SLC5A11: variants seen among roughly 807,000 people sequenced by gnomAD.
SLC5A11 encodes sodium/myo-inositol cotransporter 2.
In SLC5A11, 48 loss-of-function variants were observed where a neutral mutation model predicts 69.8. The observed-to-expected ratio is 0.69, with a 90% CI of 0.55 to 0.87. The LOEUF is 0.87. Among genes scored for constraint, SLC5A11 ranks in the 40% least tolerant of loss-of-function variants. SLC5A11 has a pLI of 0.00. For missense variants in SLC5A11, 784 were observed against 866.1 expected (o/e 0.91, Z 1.19); for synonymous variants, 319 against 342.4 (o/e 0.93, Z 0.75).
intron 8 of SLC5A11, among the ~76,000 whole-genome samples, chr16:24,889,300 T>C (rs2048610692): frequency 1.3e-5 from 2 of 151,914 alleles, no homozygotes; most frequent in Non-Finnish European, 2.9e-5. Context: ...CTGGGCAACA[T>C]AGTGAGATCC....
intron 9 of SLC5A11, among the ~76,000 whole-genome samples, chr16:24,896,369 C>T (rs1431108410): frequency 6.6e-6 from 1 of 151,836 alleles, no homozygotes; most frequent in African/African-American, 2.4e-5. Flanking sequence ...GTTGTTCATG[C>T]CTGTTGTCTC....
chr16:24,896,712 G>A (rs1006112428), intron 9 of SLC5A11, among the ~76,000 whole-genome samples: 5 of 152,142 alleles, frequency 3.3e-5, no homozygotes, highest in African/African-American at 4.8e-5. Context: ...GCTTGCCCAA[G>A]GTCAGATAGG....
At chr16:24,906,551 G>T in intron 10 of SLC5A11, 106 bp from the exon 12 acceptor site, 2 of 575,622 alleles carry the variant, frequency 3.5e-6, no homozygotes, top group African/African-American at 1.9e-5. Context: ...TTATTTCATT[G>T]AGCTATAAAC....
intron 1 of SLC5A11, among the ~76,000 whole-genome samples, chr16:24,854,002 T>C (rs568445062): frequency 5.3e-5 from 8 of 152,010 alleles, no homozygotes; most frequent in Non-Finnish European, 1.0e-4. Context: ...GGGCCCCACC[T>C]CCCGGAGACT....
chr16:24,847,785 G>A (rs545815580), intron 1 of SLC5A11, among the ~76,000 whole-genome samples: 3 of 152,332 alleles, frequency 2.0e-5, no homozygotes, highest in Non-Finnish European at 2.9e-5. Context: ...CGGTCACAGC[G>A]TGCAAAGGAT....
intron 2 of SLC5A11, 23 bp downstream of exon 3, chr16:24,858,801 G>A: frequency 6.2e-7 from 1 of 1,601,826 alleles, no homozygotes; most frequent in Admixed American, 1.7e-5. Flanking sequence ...ACTGGGGGAT[G>A]GGGGATGAAG....
At chr16:24,849,957 A>G (rs998314226) in intron 1 of SLC5A11, among the ~76,000 whole-genome samples, 1 of 151,876 alleles carries the variant, frequency 6.6e-6, no homozygotes, top group Non-Finnish European at 1.5e-5. Context: ...TATTATCATT[A>G]TTATTATCTA....
At chr16:24,900,927 A>G (rs1363999978) in intron 10 of SLC5A11, among the ~76,000 whole-genome samples, 3 of 151,642 alleles carry the variant, frequency 2.0e-5, no homozygotes, top group Non-Finnish European at 4.4e-5. Context: ...CTAAAAAAAA[A>G]AAAAAAAAAA....
At chr16:24,873,295 A>AAGGG (rs1375913543) in intron 5 of SLC5A11, among the ~76,000 whole-genome samples, 1 of 150,014 alleles carries the variant, frequency 6.7e-6, no homozygotes, top group Non-Finnish European at 1.5e-5. Flanking sequence ...GGAAGGAAGG[A>AAGGG]AGGAAGGAAA....
intron 4 of SLC5A11, among the ~76,000 whole-genome samples, chr16:24,871,071 T>G (rs1020632428): frequency 1.3e-5 from 2 of 152,190 alleles, no homozygotes; most frequent in Non-Finnish European, 2.9e-5. Flanking sequence ...GCCTTCATAA[T>G]GTCCAATATT....
exon 14 of SLC5A11, chr16:24,909,081 A>G (rs1567708286): frequency 6.2e-7 from 1 of 1,614,010 alleles, no homozygotes; most frequent in Admixed American, 1.7e-5. Context: ...TCACAGAGCC[A>G]CCCTCCAAGG....
chr16:24,870,129 A>C, intron 4 of SLC5A11, 124 bp downstream of exon 5: 9 of 657,368 alleles, frequency 1.4e-5, no homozygotes, highest in Non-Finnish European at 2.1e-5. Context: ...GCGGTGGCTC[A>C]CGCCTGTAAT....
chr16:24,897,888 A>G lies in SLC5A11; in HGVS notation c.871-86A>G, dbSNP rs1210626206. 4 of 1,514,970 alleles carry G rather than the reference A, an allele frequency of 2.6e-6. No individual in the cohort carries two copies. The African/African-American group carries it at 4.1e-5, about 16-fold the overall frequency. 93.8% of individuals were successfully genotyped at this position (1,514,970 alleles called of 1,614,324 possible). A position where few individuals can be genotyped will look rare whatever the true frequency, so the allele number is the denominator to read the frequency against. ...TCCCACAACATGTGGGAATTATGGG[A>G]GCTACAATTCAAGATGAGATTTGGG... On this transcript the variant is annotated intron_variant, in intron 9 of 15. Coordinates refer to ENST00000347898, the Ensembl canonical transcript of SLC5A11.
chr16:24,876,270 A>C (rs185048611), intron 6 of SLC5A11, among the ~76,000 whole-genome samples: 2 of 151,932 alleles, frequency 1.3e-5, no homozygotes, highest in East Asian at 3.9e-4. Context: ...TTTCTCTCCT[A>C]CTCCTGCCAA....
chr16:24,897,224 G>T (rs1597245081), intron 9 of SLC5A11, among the ~76,000 whole-genome samples: 1 of 152,072 alleles, frequency 6.6e-6, no homozygotes. Flanking sequence ...AAAGTGCTGG[G>T]ATTACAAGCG....
chr16:24,884,508 A>ATT (rs1597162350), intron 8 of SLC5A11, among the ~76,000 whole-genome samples: 4 of 72,200 alleles, frequency 5.5e-5, no homozygotes, highest in African/African-American at 2.3e-4. Context: ...TTGCTTTTTT[A>ATT]TTTTGTTTTT....
chr16:24,906,556 A>G (rs984886488), intron 10 of SLC5A11, 101 bp from the exon 12 acceptor site: 9 of 618,524 alleles, frequency 1.5e-5, no homozygotes, highest in Non-Finnish European at 1.9e-5. Flanking sequence ...TCATTGAGCT[A>G]TAAACTTCCA....
intron 14 of SLC5A11, among the ~76,000 whole-genome samples, chr16:24,909,464 A>G (rs2050328886): frequency 6.6e-6 from 1 of 151,800 alleles, no homozygotes; most frequent in Non-Finnish European, 1.5e-5. Flanking sequence ...ATATAGTGAG[A>G]TCCCGTCTCT....
At chr16:24,866,820 C>T (rs2046949701) in intron 3 of SLC5A11, among the ~76,000 whole-genome samples, 1 of 152,002 alleles carries the variant, frequency 6.6e-6, no homozygotes, top group African/African-American at 2.4e-5. Context: ...GGGTCAATCC[C>T]TCAAGAAGAC....
Sources: gnomAD v4.1 joint callset for allele counts (sites outside exome capture counted in the v4.1 genomes callset) on GRCh38, gnomAD v4.1.1 for gene constraint, MANE v1.5 for transcripts, NCBI Gene and HGNC (gene_info 2026-07-23, HGNC 2026-07-21) for gene names.